CADM2: variants seen among roughly 807,000 people sequenced by gnomAD.
CADM2 encodes the protein immunoglobulin superfamily member 4D.
Under a neutral mutation model 49.8 loss-of-function variants are expected in CADM2, and 12 were observed. That is an observed-to-expected ratio of 0.24 (90% CI 0.15 to 0.39). The LOEUF (loss-of-function observed/expected upper bound fraction) is 0.39, where lower values mean the gene tolerates loss of function less well. Ranked by LOEUF, CADM2 falls within the 10% of genes least tolerant of loss-of-function variation. The pLI, the probability that CADM2 is intolerant of heterozygous loss-of-function variation, is 1.00. For missense variants in CADM2, 378 were observed against 492.3 expected, an observed-to-expected ratio of 0.77 and a Z score of 2.20; for synonymous variants, 214 against 175.4, an observed-to-expected ratio of 1.22 and a Z score of -1.74.
chr3:85,513,069 A>T (rs2060809359), intron 1 of CADM2, among the ~76,000 whole-genome samples: 1 of 152,036 alleles, frequency 6.6e-6, no homozygotes, highest in South Asian at 2.1e-4. Flanking sequence ...TATTCTAAAA[A>T]ATATTTGTTC....
At chr3:85,041,422 A>G (rs1465709110) in intron 1 of CADM2, among the ~76,000 whole-genome samples, 5 of 152,186 alleles carry the variant, frequency 3.3e-5, no homozygotes, top group Non-Finnish European at 7.3e-5. Flanking sequence ...GAGACGGAGT[A>G]AGAATAGGAG....
intron 1 of CADM2, among the ~76,000 whole-genome samples, chr3:85,629,153 A>T (rs1576970881): frequency 6.6e-6 from 1 of 151,876 alleles, no homozygotes; most frequent in Non-Finnish European, 1.5e-5. Context: ...ATATATATAT[A>T]TGTTTTTAAG....
At chr3:86,020,160 C>T (rs1185407341) in intron 8 of CADM2, among the ~76,000 whole-genome samples, 2 of 151,972 alleles carry the variant, frequency 1.3e-5, no homozygotes, top group Non-Finnish European at 2.9e-5. Flanking sequence ...GGGATGTCAC[C>T]ACCGATCCCA....
intron 1 of CADM2, among the ~76,000 whole-genome samples, chr3:85,367,193 T>C (rs2032850380): frequency 6.6e-6 from 1 of 152,064 alleles, no homozygotes; most frequent in African/African-American, 2.4e-5. Context: ...TGAAAAACCA[T>C]TAATATAAAT....
intron 1 of CADM2, among the ~76,000 whole-genome samples, chr3:85,520,465 G>A (rs1209290524): frequency 2.0e-5 from 3 of 151,826 alleles, no homozygotes; most frequent in African/African-American, 7.3e-5. Context: ...CTACTAAGAA[G>A]GAAAATAATG....
intron 7 of CADM2, among the ~76,000 whole-genome samples, chr3:85,942,595 T>G (rs138925793): frequency 7.3e-5 from 11 of 151,592 alleles, no homozygotes; most frequent in Non-Finnish European, 2.9e-5. Flanking sequence ...TATGTTTTTT[T>G]GTTCTTGCGA....
chr3:85,799,422 C>T (rs1433131263), intron 2 of CADM2, among the ~76,000 whole-genome samples: 1 of 152,062 alleles, frequency 6.6e-6, no homozygotes, highest in Non-Finnish European at 1.5e-5. Context: ...ATAAGTAGCT[C>T]TTATTATTTT....
intron 1 of CADM2, among the ~76,000 whole-genome samples, chr3:85,589,454 T>G (rs1230224902): frequency 6.6e-6 from 1 of 151,976 alleles, no homozygotes; most frequent in Non-Finnish European, 1.5e-5. Context: ...CAGCCCATGA[T>G]CACCCTCTGG....
intron 1 of CADM2, among the ~76,000 whole-genome samples, chr3:85,701,902 TAGATAGATATAA>T (rs1485368535): frequency 6.4e-5 from 8 of 125,528 alleles, no homozygotes; most frequent in African/African-American, 2.3e-4. Context: ...GATAGATAGA[TAGATAGATATAA>T]AGAAAAAGGA....
At chr3:85,538,065 CT>C (rs2061463023) in intron 1 of CADM2, among the ~76,000 whole-genome samples, 1 of 152,036 alleles carries the variant, frequency 6.6e-6, no homozygotes, top group African/African-American at 2.4e-5. Context: ...TGTTCTTCCC[CT>C]TATCAATAAA....
intron 1 of CADM2, among the ~76,000 whole-genome samples, chr3:85,258,188 G>A (rs1048720154): frequency 2.0e-5 from 3 of 152,084 alleles, no homozygotes; most frequent in Non-Finnish European, 1.5e-5. Flanking sequence ...CAGATATTTA[G>A]AGGCTGGAGC....
chr3:85,267,378 C>A (rs980677107), intron 1 of CADM2, among the ~76,000 whole-genome samples: 6 of 151,566 alleles, frequency 4.0e-5, no homozygotes, highest in African/African-American at 1.2e-4. Flanking sequence ...AAAATATTTT[C>A]TCCTCTCTCT....
intron 1 of CADM2, among the ~76,000 whole-genome samples, chr3:85,604,949 G>T (rs2063506421): frequency 6.6e-6 from 1 of 151,964 alleles, no homozygotes. Flanking sequence ...GGACCCTGAT[G>T]CAAAGGTTTC....
Position 86,021,846 on chromosome 3 carries a change from G to T in CADM2, c.971-43759G>T, listed in dbSNP as rs1733232164. ...CAGGGGATAGGGAAAGAAATGGAAA[G>T]ATATAAGTCAAGAGATAAAGTAGCA... is the stretch of plus-strand genomic sequence containing the variant. On this transcript the variant is annotated intron_variant, in intron 8 of 9. Transcript: ENST00000383699. Among the ~76,000 whole-genome samples the T allele has an allele frequency of 2.0e-5, 3 of 152,172 alleles. No individual in the cohort carries two copies. The South Asian group carries it at 6.2e-4, about 31-fold the overall frequency.
At chr3:86,013,412 C>A in intron 8 of CADM2, 2 of 1,551,316 alleles carry the variant, frequency 1.3e-6, no homozygotes, top group Non-Finnish European at 1.8e-6. Context: ...CCGAAGAAAT[C>A]CCAGAAGGTC....
chr3:85,851,866 A>T lies in CADM2; in HGVS notation c.239-31425A>T, dbSNP rs1056652933. 3.9e-5 allele frequency among the ~76,000 whole-genome samples: 6 copies of T among 151,958 alleles called. No individual in the cohort carries two copies. The South Asian group carries it at 6.2e-4, about 16-fold the overall frequency. Reference sequence around the variant, plus strand: ...ATCTTGAACAACTTAGGTGATGGGGATGCTATTTGGTGAGTTAATGAAGAA... The same window carrying T: ...ATCTTGAACAACTTAGGTGATGGGGTTGCTATTTGGTGAGTTAATGAAGAA... On this transcript the variant is annotated intron_variant, in intron 3 of 9. Coordinates refer to ENST00000383699, the MANE Select transcript of CADM2 (RefSeq NM_001167675.2).
At chr3:85,365,557 AAAGTAATCC>A (rs1319310786) in intron 1 of CADM2, among the ~76,000 whole-genome samples, 2 of 152,160 alleles carry the variant, frequency 1.3e-5, no homozygotes, top group African/African-American at 4.8e-5. Flanking sequence ...AAGTTTAAAG[AAAGTAATCC>A]ACTCCTGATT....
Position 85,884,313 on chromosome 3 carries a change from C to T in CADM2, c.391+870C>T, listed in dbSNP as rs150640973. Reference sequence around the variant, plus strand: ...AATGCTGCATTTAAAAGGACTAACACATGCTGTTCTTTTTGGTGGGAATAT... The same window carrying T: ...AATGCTGCATTTAAAAGGACTAACATATGCTGTTCTTTTTGGTGGGAATAT... On this transcript the variant is annotated intron_variant, in intron 4 of 9. Transcript: ENST00000383699. Among the ~76,000 whole-genome samples, 5 of 152,272 alleles carry T rather than the reference C, an allele frequency of 3.3e-5. No homozygotes were observed. In the East Asian group the frequency reaches 9.6e-4, roughly 29 times the overall value.
Position 85,903,725 on chromosome 3 carries a change from CTGAA to C in CADM2, c.530-8645_530-8642del, listed in dbSNP as rs527935221. ...GATAATGGCTTCAGCAGGGCTCTCA[CTGAA>C]TGTCTTTCTTTCCTGTTGTCTCTGT... On this transcript the variant is annotated intron_variant, in intron 5 of 9. Coordinates refer to ENST00000383699, the MANE Select transcript of CADM2 (RefSeq NM_001167675.2). 2.5e-3 allele frequency among the ~76,000 whole-genome samples: 381 copies of C among 152,262 alleles called. 1 individual carries two copies. Among genetic ancestry groups the C allele is most frequent in the African/African-American group, 8.9e-3 (369 of 41,548 alleles).
Sources: allele counts gnomAD v4.1 joint callset (sites outside exome capture counted in the v4.1 genomes callset), GRCh38; gene constraint gnomAD v4.1.1; transcripts MANE v1.5; gene names NCBI Gene and HGNC (gene_info 2026-07-23, HGNC 2026-07-21).